Variants in PDZRN4 observed in about 807,000 individuals in gnomAD.
PDZRN4 encodes the protein PDZ domain containing ring finger 4.
In PDZRN4, 70 loss-of-function variants were observed where a neutral mutation model predicts 99.0. That is an observed-to-expected ratio of 0.71 (90% confidence interval 0.58 to 0.86). The LOEUF (loss-of-function observed/expected upper bound fraction) is 0.86. PDZRN4 is among the 40% of genes least tolerant of loss of function. The pLI, the probability that PDZRN4 is intolerant of heterozygous loss-of-function variation, is 0.00. For synonymous variants in PDZRN4, 551 were observed against 501.6 expected (o/e 1.10, Z -1.32); for missense variants, 1,474 against 1,331.2 (o/e 1.11, Z -1.67).
intron 3 of PDZRN4, among the ~76,000 whole-genome samples, chr12:41,319,618 A>C (rs562003240): frequency 3.3e-5 from 5 of 152,260 alleles, no homozygotes; most frequent in South Asian, 2.1e-4. Context: ...TCACAAGCAC[A>C]CAGGCCCTCT....
chr12:41,539,473 T>G (rs1251105210), intron 5 of PDZRN4, among the ~76,000 whole-genome samples: 1 of 152,030 alleles, frequency 6.6e-6, no homozygotes, highest in Non-Finnish European at 1.5e-5. Context: ...TTGGGAACAA[T>G]TATTATTACA....
At chr12:41,546,710 G>A (rs1938959609) in intron 5 of PDZRN4, among the ~76,000 whole-genome samples, 1 of 152,184 alleles carries the variant, frequency 6.6e-6, no homozygotes, top group Non-Finnish European at 1.5e-5. Flanking sequence ...AGACAGGAGT[G>A]AGCCTGAGGG....
At chr12:41,249,622 C>T (rs141841993) in intron 3 of PDZRN4, among the ~76,000 whole-genome samples, 1 of 152,130 alleles carries the variant, frequency 6.6e-6, no homozygotes, top group African/African-American at 2.4e-5. Context: ...CTTGCTATTG[C>T]AGTTTATTTT....
At chr12:41,485,499 A>G (rs1454262815) in intron 3 of PDZRN4, among the ~76,000 whole-genome samples, 1 of 152,100 alleles carries the variant, frequency 6.6e-6, no homozygotes, top group African/African-American at 2.4e-5. Flanking sequence ...GAAATCTAGA[A>G]TTGCTCATAA....
chr12:41,270,789 G>A (rs758070862), intron 3 of PDZRN4, among the ~76,000 whole-genome samples: 3 of 152,140 alleles, frequency 2.0e-5, no homozygotes, highest in East Asian at 1.9e-4. Flanking sequence ...TGTTAGTTAC[G>A]TAGAAATCTC....
intron 3 of PDZRN4, among the ~76,000 whole-genome samples, chr12:41,342,372 C>T (rs1484897179): frequency 6.6e-6 from 1 of 151,762 alleles, no homozygotes; most frequent in Non-Finnish European, 1.5e-5. Context: ...AACTAAAATG[C>T]TTTGCACAGC....
At chr12:41,477,652 A>G (rs538168592) in intron 3 of PDZRN4, among the ~76,000 whole-genome samples, 3 of 152,308 alleles carry the variant, frequency 2.0e-5, no homozygotes, top group African/African-American at 4.8e-5. Context: ...AGCCTTTTTT[A>G]GTATGGTTTC....
intron 3 of PDZRN4, among the ~76,000 whole-genome samples, chr12:41,473,102 A>G (rs2730806): frequency 5.9e-5 from 9 of 151,432 alleles, no homozygotes; most frequent in African/African-American, 7.3e-5. Flanking sequence ...GTTTTGTTTT[A>G]TTTTTTAAGT....
intron 3 of PDZRN4, among the ~76,000 whole-genome samples, chr12:41,445,670 T>C (rs1952720327): frequency 8.9e-6 from 1 of 112,496 alleles, no homozygotes; most frequent in Non-Finnish European, 1.8e-5. Flanking sequence ...TTGACATGTT[T>C]ATAATTCATG....
rs78634656 is a variant in PDZRN4 at position 41,348,150 on chromosome 12, T to C, written c.843+153962T>C. ...AAAATAAAGGTAAAGTTTTGGGAGA[T>C]TATCCCTTAACTAGTAAAAATCAAG... On this transcript the variant is annotated intron_variant, in intron 3 of 9. Transcript: ENST00000402685. 3.1e-3 allele frequency among the ~76,000 whole-genome samples: 475 copies of C among 152,230 alleles called. 5 individuals carry two copies. The highest frequency in any genetic ancestry group is 0.011 in the African/African-American group (452 of 41,574).
At chr12:41,436,867 CAAGTTT>C (rs530216966) in intron 3 of PDZRN4, among the ~76,000 whole-genome samples, 239 of 152,224 alleles carry the variant, frequency 1.6e-3, no homozygotes, top group Middle Eastern at 3.4e-3. Flanking sequence ...GCATTACATT[CAAGTTT>C]AACTATTGCC....
At chr12:41,321,749 A>C (rs1951679331) in intron 3 of PDZRN4, among the ~76,000 whole-genome samples, 1 of 152,216 alleles carries the variant, frequency 6.6e-6, no homozygotes, top group Non-Finnish European at 1.5e-5. Context: ...AGACATAATA[A>C]GACGATGATC....
At chr12:41,475,574 C>A (rs753007081) in intron 3 of PDZRN4, among the ~76,000 whole-genome samples, 2 of 152,164 alleles carry the variant, frequency 1.3e-5, no homozygotes, top group African/African-American at 4.8e-5. Context: ...AGAACATTCA[C>A]GTACTCAAAG....
intron 3 of PDZRN4, among the ~76,000 whole-genome samples, chr12:41,381,763 T>G (rs1377993350): frequency 8.5e-5 from 13 of 152,198 alleles, no homozygotes. Flanking sequence ...ATTGTAGCTT[T>G]ATTAATTTAC....
intron 3 of PDZRN4, among the ~76,000 whole-genome samples, chr12:41,292,472 GT>G (rs1373088176): frequency 6.6e-6 from 1 of 152,106 alleles, no homozygotes; most frequent in Non-Finnish European, 1.5e-5. Flanking sequence ...ATTTCATTGT[GT>G]TTTTGAAGTT....
chr12:41,376,295 G>T (rs918888159), intron 3 of PDZRN4, among the ~76,000 whole-genome samples: 3 of 151,994 alleles, frequency 2.0e-5, no homozygotes, highest in African/African-American at 7.2e-5. Flanking sequence ...TTTTTGAAAA[G>T]CTTCATACTG....
chr12:41,290,823 C>T (rs1951452525), intron 3 of PDZRN4, among the ~76,000 whole-genome samples: 1 of 151,876 alleles, frequency 6.6e-6, no homozygotes, highest in African/African-American at 2.4e-5. Context: ...CCATGAATAC[C>T]CCCTTTAGAA....
chr12:41,260,016 T>C (rs1274977592), intron 3 of PDZRN4, among the ~76,000 whole-genome samples: 1 of 152,142 alleles, frequency 6.6e-6, no homozygotes, highest in Non-Finnish European at 1.5e-5. Flanking sequence ...GGCAAACTTA[T>C]TTGTTTGGAG....
chr12:41,397,929 T>G (rs1241838653), intron 3 of PDZRN4, among the ~76,000 whole-genome samples: 1 of 152,096 alleles, frequency 6.6e-6, no homozygotes, highest in African/African-American at 2.4e-5. Context: ...AGAGGTAACA[T>G]GGTTTAAAAA....
Sources: allele counts gnomAD v4.1 joint callset (sites outside exome capture counted in the v4.1 genomes callset), GRCh38; gene constraint gnomAD v4.1.1; transcripts MANE v1.5; gene names NCBI Gene and HGNC (gene_info 2026-07-23, HGNC 2026-07-21).